Variants in DLGAP4 observed in about 807,000 individuals in gnomAD.
DLGAP4 encodes the protein DLG associated protein 4.
Under a neutral mutation model 86.9 loss-of-function variants are expected in DLGAP4, and 18 were observed. The ratio of observed to expected loss-of-function variants is 0.21; its 90% CI spans 0.14 to 0.31. The LOEUF (loss-of-function observed/expected upper bound fraction) is 0.31. Among genes scored for constraint, DLGAP4 ranks in the 10% least tolerant of loss-of-function variants. The pLI, the probability that DLGAP4 is intolerant of heterozygous loss-of-function variation, is 1.00. For missense variants in DLGAP4, 1,085 were observed against 1,362.6 expected (o/e 0.80, Z 3.21); for synonymous variants, 548 against 574.3 (o/e 0.95, Z 0.65).
chr20:36,351,196 C>A (rs1230467550), intron 1 of DLGAP4, among the ~76,000 whole-genome samples: 2 of 152,320 alleles, frequency 1.3e-5, no homozygotes, highest in African/African-American at 2.4e-5. Flanking sequence ...CATCTTTGTG[C>A]CATCTTTTCT....
intron 7 of DLGAP4, among the ~76,000 whole-genome samples, chr20:36,468,365 C>T (rs1055245425): frequency 2.0e-5 from 3 of 152,218 alleles, no homozygotes; most frequent in African/African-American, 7.2e-5. Context: ...AGCCAAGTGA[C>T]GGAGGCTAGG....
intron 2 of DLGAP4, among the ~76,000 whole-genome samples, chr20:36,375,114 C>T (rs1043971553): frequency 4.6e-5 from 7 of 152,220 alleles, no homozygotes; most frequent in South Asian, 2.1e-4. Flanking sequence ...TATGTGACAA[C>T]GCAGAGCAAG....
chr20:36,444,803 G>C (rs1172386407), intron 6 of DLGAP4, among the ~76,000 whole-genome samples: 1 of 151,740 alleles, frequency 6.6e-6, no homozygotes, highest in African/African-American at 2.4e-5. Flanking sequence ...ACCACGCTCG[G>C]CCAATTTTGG....
At chr20:36,461,573 G>A in intron 7 of DLGAP4, 3 of 961,056 alleles carry the variant, frequency 3.1e-6, no homozygotes, top group Non-Finnish European at 3.7e-6. Flanking sequence ...GGTCCACGTC[G>A]TCGCTGCCGC....
chr20:36,525,312 T>C (rs941506399), intron 11 of DLGAP4, among the ~76,000 whole-genome samples: 6 of 144,586 alleles, frequency 4.1e-5, no homozygotes, highest in Non-Finnish European at 9.1e-5. Flanking sequence ...TCTTACCTGT[T>C]AGGAGGGCTG....
intron 11 of DLGAP4, among the ~76,000 whole-genome samples, chr20:36,525,181 G>A (rs1314819164): frequency 8.2e-6 from 1 of 122,190 alleles, no homozygotes; most frequent in African/African-American, 3.1e-5. Flanking sequence ...TCGCGTCACT[G>A]CATCCAGCCT....
rs767615724 is a variant in DLGAP4 at position 36,436,141 on chromosome 20, G to A, written c.1032G>A (p.Thr344=). 2.7e-5 allele frequency: 43 copies of A among 1,590,408 alleles called. No individual in the cohort carries two copies. The highest frequency in any genetic ancestry group is 3.4e-5 in the Non-Finnish European group (40 of 1,174,514). Residue 344 remains threonine (T), a synonymous_variant, in exon 4 of 13, where the codon ACG becomes ACA. Coordinates refer to ENST00000339266, the MANE Select transcript of DLGAP4 (RefSeq NM_001365621.2). ...VPGGGGEWST[T]LLSPRETDAA... ...GCGGCGGCGGCGAGTGGAGCACCAC[G>A]CTGCTGTCCCCACGCGAGACGGATG... is the stretch of plus-strand genomic sequence containing the variant.
chr20:36,417,337 G>A (rs1456195460), intron 2 of DLGAP4, among the ~76,000 whole-genome samples: 1 of 151,914 alleles, frequency 6.6e-6, no homozygotes, highest in Non-Finnish European at 1.5e-5. Flanking sequence ...CATGGCTTTG[G>A]TGGGCTGAGC....
chr20:36,440,068 G>A (rs6019198), intron 5 of DLGAP4, among the ~76,000 whole-genome samples, 200 bp downstream of exon 5: 4,871 of 152,202 alleles, frequency 0.032, 279 homozygotes, highest in African/African-American at 0.11. Context: ...GCACAGTTAC[G>A]GGGCCTGACC....
rs992139005 is a variant in DLGAP4 at position 36,350,611 on chromosome 20, A to C, written c.-303-16434A>C. Among the ~76,000 whole-genome samples, 7 of 152,216 alleles carry C rather than the reference A, an allele frequency of 4.6e-5. No homozygotes were observed. Among genetic ancestry groups the C allele is most frequent in the Non-Finnish European group, 8.8e-5 (6 of 68,022 alleles). On this transcript the variant is annotated intron_variant, in intron 1 of 12. Coordinates refer to ENST00000339266, the MANE Select transcript of DLGAP4 (RefSeq NM_001365621.2). This position sits in a 1 kb window ranked among gnomAD's most constrained non-coding sequence, Gnocchi z 4.4. ...CTGACAAGGGCATGCCCTCTGTACC[A>C]GGGCAGCAGGTGGGGAAGGGGCCTA...
At chr20:36,317,984 C>T (rs2065125618) in intron 1 of DLGAP4, among the ~76,000 whole-genome samples, 1 of 151,926 alleles carries the variant, frequency 6.6e-6, no homozygotes, top group Non-Finnish European at 1.5e-5. Context: ...GAAGCCGGCC[C>T]TGGTTCTCTC....
intron 4 of DLGAP4, among the ~76,000 whole-genome samples, chr20:36,438,854 G>A (rs1007435171): frequency 6.6e-6 from 1 of 151,588 alleles, no homozygotes; most frequent in African/African-American, 2.4e-5. Flanking sequence ...GCTGACCTCA[G>A]GTGAGCTGCC....
At chr20:36,413,067 C>G (rs569626640) in intron 2 of DLGAP4, among the ~76,000 whole-genome samples, 2 of 151,558 alleles carry the variant, frequency 1.3e-5, no homozygotes, top group African/African-American at 4.9e-5. Flanking sequence ...GCAACCTCCG[C>G]CTCCTGGGTT....
chr20:36,519,592 C>A (rs2037250811), intron 10 of DLGAP4, among the ~76,000 whole-genome samples: 2 of 152,242 alleles, frequency 1.3e-5, no homozygotes, highest in South Asian at 4.1e-4. Context: ...GTTTTCAATT[C>A]TTTTGGGTTT....
At chr20:36,319,182 T>A (rs1555890284) in intron 1 of DLGAP4, among the ~76,000 whole-genome samples, 1 of 148,578 alleles carries the variant, frequency 6.7e-6, no homozygotes, top group African/African-American at 2.5e-5. Context: ...ATTGGAAAGG[T>A]GGGCATCTGT....
At chr20:36,402,648 T>C (rs981530088) in intron 2 of DLGAP4, among the ~76,000 whole-genome samples, 2 of 152,138 alleles carry the variant, frequency 1.3e-5, no homozygotes, top group Non-Finnish European at 2.9e-5. Context: ...CTTGGGAGGC[T>C]GAGGCAGGAG....
intron 1 of DLGAP4, among the ~76,000 whole-genome samples, chr20:36,358,649 AT>A (rs2030413803): frequency 6.6e-6 from 1 of 152,156 alleles, no homozygotes; most frequent in Non-Finnish European, 1.5e-5. Flanking sequence ...TACTAAAAAA[AT>A]ACAAAAAATT....
intron 1 of DLGAP4, among the ~76,000 whole-genome samples, chr20:36,313,663 G>A (rs1269093344): frequency 1.3e-5 from 2 of 152,124 alleles, no homozygotes; most frequent in Non-Finnish European, 2.9e-5. Context: ...AGGGCTCTCT[G>A]CCGCCTGTGT....
chr20:36,525,831 G>A lies in DLGAP4; in HGVS notation c.2605-20G>A, dbSNP rs1385800013. 26 of 1,611,232 alleles carry A rather than the reference G, an allele frequency of 1.6e-5. No homozygotes were observed. Among genetic ancestry groups the A allele is most frequent in the Non-Finnish European group, 2.2e-5 (26 of 1,179,798 alleles). On this transcript the variant is annotated intron_variant, in intron 11 of 12. Coordinates refer to ENST00000339266, the MANE Select transcript of DLGAP4 (RefSeq NM_001365621.2). ...AAGCCTCTGCTGAGCTGGCCCCACT[G>A]ATCCCCATCTGGCCCACAGAACCCT...
Sources: allele counts gnomAD v4.1 joint callset (sites outside exome capture counted in the v4.1 genomes callset), GRCh38; gene constraint gnomAD v4.1.1; non-coding constraint Gnocchi (gnomAD v3.1); transcripts MANE v1.5; gene names NCBI Gene and HGNC (gene_info 2026-07-23, HGNC 2026-07-21).